NECTIN1: variants seen among roughly 807,000 people sequenced by gnomAD.
The protein encoded by NECTIN1 is nectin-1.
A neutral mutation model predicts 48.0 loss-of-function variants in NECTIN1; 23 were observed. That is an observed-to-expected ratio of 0.48 (90% CI 0.34 to 0.68). The LOEUF (loss-of-function observed/expected upper bound fraction) is 0.68. NECTIN1 is among the 30% of genes least tolerant of loss of function. NECTIN1 has a pLI of 0.01. For synonymous variants in NECTIN1, 270 were observed against 288.9 expected (o/e 0.93, Z 0.66); for missense variants, 591 against 709.9 (o/e 0.83, Z 1.90).
rs370896408 is a variant in NECTIN1, at chr11:119,650,184, G to A, written c.1004-10172C>T. Among the ~76,000 whole-genome samples the A allele has an allele frequency of 2.6e-3, 399 of 152,156 alleles. 3 individuals carry two copies. In the East Asian group the frequency reaches 0.035, roughly 14 times the overall value. ...CAATGTCATCAGTTAAGGCAGGAACGGGCCATTTTCACTTCTTTTGTGGTG... is the reference window on the plus strand; with the variant it reads ...CAATGTCATCAGTTAAGGCAGGAACAGGCCATTTTCACTTCTTTTGTGGTG... On this transcript the variant is annotated intron_variant, in intron 5 of 7. Transcript: ENST00000341398.
chr11:119,713,210 C>T (rs1488141964), intron 1 of NECTIN1, among the ~76,000 whole-genome samples: 1 of 152,000 alleles, frequency 6.6e-6, no homozygotes, highest in Admixed American at 6.6e-5. Flanking sequence ...CAGAAACCAG[C>T]TGGGGGAGGG....
chr11:119,675,275 T>A lies in NECTIN1; in HGVS notation c.887A>T (p.Gln296Leu). ...NGSLPKGVEA[Q>L]NRTLFFKGPI... ...TCCCTTGAAGAAGAGGGTTCTGTTC[T>A]GGGCCTCCACACCCTTGGGGAGAGA... Residue 296 changes from glutamine to leucine, a missense_variant, in exon 5 of 6, where the codon CAG becomes CTG. Physicochemically the swap from Gln to Leu is moderately radical, Grantham distance 113. Coordinates refer to ENST00000264025, the MANE Select transcript of NECTIN1 (RefSeq NM_002855.5). 1 of 1,614,130 alleles carries A rather than the reference T, an allele frequency of 6.2e-7. No homozygotes were observed. The highest frequency in any genetic ancestry group is 8.5e-7 in the Non-Finnish European group (1 of 1,180,026).
chr11:119,654,267 CCA>C (rs1864535497), intron 5 of NECTIN1: 1 of 151,896 alleles, frequency 6.6e-6, no homozygotes, highest in South Asian at 2.1e-4. Context: ...ATCCATCCAT[CCA>C]TCCATCCATC....
Position 119,661,707 on chromosome 11 carries a change from G to C in NECTIN1, c.*3040C>G. On this transcript the variant is annotated 3_prime_UTR_variant, in exon 6 of 6. Transcript: ENST00000264025. ...AGAGGAAGCGCATGCCCAGGAAACA[G>C]GGCCCCTATAAGGCTCTCTTGCAGC... The C allele has an allele frequency of 1.0e-6, 1 of 985,886 alleles. No individual in the cohort carries two copies. Among genetic ancestry groups the C allele is most frequent in the Non-Finnish European group, 1.2e-6 (1 of 829,966 alleles). 61.1% of individuals were successfully genotyped at this position (985,886 alleles called of 1,614,324 possible). A position where few individuals can be genotyped will look rare whatever the true frequency, so the allele number is the denominator to read the frequency against.
chr11:119,640,065 A>G (rs554942877), intron 5 of NECTIN1: 1,122 of 1,525,338 alleles, frequency 7.4e-4, no homozygotes, highest in Non-Finnish European at 9.3e-4. Flanking sequence ...AAGTGACCCA[A>G]AGAGAGTCAG....
At chr11:119,685,381 C>A (rs567397770) in intron 1 of NECTIN1, among the ~76,000 whole-genome samples, 1 of 152,326 alleles carries the variant, frequency 6.6e-6, no homozygotes, top group South Asian at 2.1e-4. Context: ...GGAGGGGGCA[C>A]GGCGGCCTGG....
chr11:119,638,593 T>A, intron 7 of NECTIN1: 1 of 842,614 alleles, frequency 1.2e-6, no homozygotes, highest in Non-Finnish European at 2.0e-6. Context: ...CCCTCTAGCA[T>A]GGACCTGGCC....
At chr11:119,651,574 G>C (rs1317752155) in intron 5 of NECTIN1, among the ~76,000 whole-genome samples, 1 of 152,048 alleles carries the variant, frequency 6.6e-6, no homozygotes, top group Non-Finnish European at 1.5e-5. Flanking sequence ...TTCATTAGCA[G>C]GGGAGCTCCT....
intron 1 of NECTIN1, among the ~76,000 whole-genome samples, chr11:119,690,159 G>T (rs1392681710): frequency 6.6e-6 from 1 of 152,124 alleles, no homozygotes; most frequent in African/African-American, 2.4e-5. Flanking sequence ...AGGGAGCTGT[G>T]ATGCTGGAGG....
At chr11:119,715,747 T>TA (rs1270231171) in intron 1 of NECTIN1, among the ~76,000 whole-genome samples, 3 of 152,062 alleles carry the variant, frequency 2.0e-5, no homozygotes, top group African/African-American at 7.2e-5. Flanking sequence ...CAGGATGGCT[T>TA]AAAGAGACTG....
intron 1 of NECTIN1, among the ~76,000 whole-genome samples, chr11:119,710,669 AGAG>A (rs1350135890): frequency 1.3e-5 from 2 of 152,208 alleles, no homozygotes; most frequent in Non-Finnish European, 2.9e-5. Context: ...TCCTCCAGGC[AGAG>A]GAGACAGGAA....
At chr11:119,697,660 T>C (rs1157661812) in intron 1 of NECTIN1, among the ~76,000 whole-genome samples, 1 of 152,214 alleles carries the variant, frequency 6.6e-6, no homozygotes, top group African/African-American at 2.4e-5. Flanking sequence ...TGAGGCCCAG[T>C]GGTTGAGAAA....
chr11:119,648,306 GAT>G (rs1409614860), intron 5 of NECTIN1, among the ~76,000 whole-genome samples: 3 of 72,108 alleles, frequency 4.2e-5, no homozygotes, highest in African/African-American at 1.2e-4. Context: ...TGGTGGTGGT[GAT>G]GGTGGTGATG....
chr11:119,679,316 T>C lies in NECTIN1; in HGVS notation c.80-551A>G, dbSNP rs1865019398. On this transcript the variant is annotated intron_variant, in intron 1 of 5. Transcript: ENST00000264025. ...ACAAATGGCGTGATGGACGAGAAGG[T>C]GCGTCAGAGGCAGGAGGCTCTGGAT... Among the ~76,000 whole-genome samples the C allele has an allele frequency of 2.0e-5, 3 of 152,196 alleles. 1 individual carries two copies. Among genetic ancestry groups the C allele is most frequent in the East Asian group, 3.9e-4 (2 of 5,174 alleles).
intron 1 of NECTIN1, among the ~76,000 whole-genome samples, chr11:119,689,769 G>T (rs1459024677): frequency 3.9e-5 from 6 of 152,188 alleles, no homozygotes; most frequent in Admixed American, 3.9e-4. Context: ...AATCCCCACC[G>T]CAATGACCCC....
rs1306259249 is a variant in NECTIN1, at chr11:119,683,609, T to TGG, written c.80-4846_80-4845dup. ...GTGTGTGTGTGTGTGTGTGTGTGTG[T>TGG]GGGCACTTGCAGGAGGCTGCTATGT... is the stretch of plus-strand genomic sequence containing the variant. On this transcript the variant is annotated intron_variant, in intron 1 of 5. Coordinates refer to ENST00000264025, the MANE Select transcript of NECTIN1 (RefSeq NM_002855.5). This position sits in a 1 kb window ranked among gnomAD's most constrained non-coding sequence, Gnocchi z 4.0. Among the ~76,000 whole-genome samples the TGG allele has an allele frequency of 6.8e-6, 1 of 146,006 alleles. No individual in the cohort carries two copies. The highest frequency in any genetic ancestry group is 2.5e-5 in the African/African-American group (1 of 39,548).
rs548139494 is a variant in NECTIN1, at chr11:119,663,198, C to A, written c.*1549G>T. ...TGGGCAGGCATGAAGGGCCGCGAAG[C>A]CTGCCTCTCCATCCCAGGGTCCTTC... On this transcript the variant is annotated 3_prime_UTR_variant, in exon 6 of 6. Coordinates refer to ENST00000264025, the MANE Select transcript of NECTIN1 (RefSeq NM_002855.5). 51 of 985,490 alleles carry A rather than the reference C, an allele frequency of 5.2e-5. No homozygotes were observed. In the African/African-American group the frequency reaches 7.8e-4, roughly 15 times the overall value. 61.0% of individuals were successfully genotyped at this position (985,490 alleles called of 1,614,324 possible). A position where few individuals can be genotyped will look rare whatever the true frequency, so the allele number is the denominator to read the frequency against.
chr11:119,697,951 T>C (rs1181369579), intron 1 of NECTIN1, among the ~76,000 whole-genome samples: 1 of 152,248 alleles, frequency 6.6e-6, no homozygotes, highest in African/African-American at 2.4e-5. Flanking sequence ...CTGCCCAGCC[T>C]GAGTCTTCTC....
intron 1 of NECTIN1, among the ~76,000 whole-genome samples, chr11:119,716,880 A>C (rs1288734237): frequency 1.3e-5 from 2 of 152,256 alleles, no homozygotes; most frequent in African/African-American, 2.4e-5. Flanking sequence ...GCACACACAC[A>C]CAGCACGTGA....
Sources: gnomAD v4.1 joint callset for allele counts (sites outside exome capture counted in the v4.1 genomes callset) on GRCh38, gnomAD v4.1.1 for gene constraint, Gnocchi (gnomAD v3.1) non-coding constraint, MANE v1.5 for transcripts, NCBI Gene and HGNC (gene_info 2026-07-23, HGNC 2026-07-21) for gene names.